Variants in LRP1B observed in about 807,000 individuals in gnomAD.
LRP1B encodes the protein low-density lipoprotein receptor-related protein 1B.
In LRP1B, 217 loss-of-function variants were observed where a neutral mutation model predicts 556.6. The ratio of observed to expected loss-of-function variants is 0.39; its 90% CI spans 0.35 to 0.44. The LOEUF (loss-of-function observed/expected upper bound fraction) is 0.44, where lower values mean the gene tolerates loss of function less well. Ranked by LOEUF, LRP1B falls within the 20% of genes least tolerant of loss-of-function variation. LRP1B has a pLI of 1.00. For missense variants in LRP1B, 5,053 were observed against 5,620.8 expected (o/e 0.90, Z 3.23); for synonymous variants, 2,047 against 1,865.8 (o/e 1.10, Z -2.50).
intron 11 of LRP1B, among the ~76,000 whole-genome samples, chr2:141,040,031 C>T (rs1024591273): frequency 6.6e-6 from 1 of 152,038 alleles, no homozygotes; most frequent in Non-Finnish European, 1.5e-5. Flanking sequence ...ATATTCTTGA[C>T]ACTCAGTGTG....
At chr2:141,639,345 T>TAC (rs1317052266) in intron 2 of LRP1B, among the ~76,000 whole-genome samples, 115 of 62,840 alleles carry the variant, frequency 1.8e-3, no homozygotes, top group African/African-American at 6.9e-3. Flanking sequence ...TATATATATA[T>TAC]ATATACACAC....
intron 37 of LRP1B, among the ~76,000 whole-genome samples, chr2:140,706,985 T>G (rs1467122442): frequency 1.3e-5 from 2 of 152,104 alleles, no homozygotes; most frequent in Non-Finnish European, 2.9e-5. Flanking sequence ...AAATAATAAA[T>G]AAGTCTATTT....
chr2:141,307,402 G>C (rs1256573173), intron 3 of LRP1B, among the ~76,000 whole-genome samples: 1 of 151,886 alleles, frequency 6.6e-6, no homozygotes, highest in African/African-American at 2.4e-5. Context: ...CTCAAAGTCT[G>C]TATTATCTGG....
intron 2 of LRP1B, among the ~76,000 whole-genome samples, chr2:141,708,345 T>C (rs955926007): frequency 6.6e-6 from 1 of 152,062 alleles, no homozygotes; most frequent in Non-Finnish European, 1.5e-5. Context: ...AGACAGCACC[T>C]CCTTCTTGCA....
chr2:140,946,836 T>A (rs1331404168), intron 20 of LRP1B, among the ~76,000 whole-genome samples: 1 of 152,174 alleles, frequency 6.6e-6, no homozygotes, highest in Non-Finnish European at 1.5e-5. Flanking sequence ...TGGAATACTA[T>A]GCAACCATAA....
intron 35 of LRP1B, among the ~76,000 whole-genome samples, chr2:140,756,092 A>G (rs1435939545): frequency 1.3e-5 from 2 of 152,058 alleles, no homozygotes; most frequent in Non-Finnish European, 2.9e-5. Flanking sequence ...AGAAAATTTC[A>G]CTACAAATAA....
chr2:140,716,940 G>T, intron 35 of LRP1B, 124 bp from the exon 36 acceptor site: 1 of 441,974 alleles, frequency 2.3e-6, no homozygotes, highest in Non-Finnish European at 3.9e-6. Context: ...AGATTTTTAA[G>T]TATTCTTCAG....
intron 35 of LRP1B, among the ~76,000 whole-genome samples, chr2:140,732,861 A>T (rs2105502988): frequency 6.6e-6 from 1 of 152,306 alleles, no homozygotes; most frequent in Non-Finnish European, 1.5e-5. Context: ...CAGTGAGAAT[A>T]CCAATAACAT....
At chr2:140,712,509 TG>T (rs1687067962) in intron 37 of LRP1B, among the ~76,000 whole-genome samples, 1 of 152,014 alleles carries the variant, frequency 6.6e-6, no homozygotes, top group South Asian at 2.1e-4. Context: ...CCCTGGAATT[TG>T]TCTCCCCTTT....
At chr2:141,402,320 A>C (rs939762193) in intron 3 of LRP1B, among the ~76,000 whole-genome samples, 2 of 152,160 alleles carry the variant, frequency 1.3e-5, no homozygotes, top group Non-Finnish European at 2.9e-5. Context: ...AATGCTAGTC[A>C]CCAATATTTG....
intron 1 of LRP1B, among the ~76,000 whole-genome samples, chr2:141,977,477 G>C (rs1282748646): frequency 6.6e-6 from 1 of 152,060 alleles, no homozygotes; most frequent in Non-Finnish European, 1.5e-5. Flanking sequence ...CAGGAGAATT[G>C]CTTGAACCCA....
rs149403722 is a variant in LRP1B at position 141,786,737 on chromosome 2, C to T, written c.205+23542G>A. Among the ~76,000 whole-genome samples the T allele has an allele frequency of 6.5e-4, 99 of 151,924 alleles. 1 individual carries two copies. The highest frequency in any genetic ancestry group is 1.6e-3 in the Admixed American group (25 of 15,210). ...TGTTCTTGATCAACCAAAAAAAGCA[C>T]GGAACCTCTCACCATTAATGATGAT... On this transcript the variant is annotated intron_variant, in intron 2 of 90. Coordinates refer to ENST00000389484, the MANE Select transcript of LRP1B (RefSeq NM_018557.3).
At chr2:140,985,190 C>T (rs1406309587) in intron 17 of LRP1B, among the ~76,000 whole-genome samples, 1 of 151,992 alleles carries the variant, frequency 6.6e-6, no homozygotes, top group Non-Finnish European at 1.5e-5. Flanking sequence ...CAAGGCACAC[C>T]AACCATACAG....
chr2:141,505,199 G>A (rs1441660547), intron 2 of LRP1B, among the ~76,000 whole-genome samples: 2 of 150,606 alleles, frequency 1.3e-5, no homozygotes, highest in Non-Finnish European at 3.0e-5. Flanking sequence ...ACTTCTCAGA[G>A]TCTATAAAAG....
Position 140,324,102 on chromosome 2 carries a change from T to C in LRP1B, c.12341-36A>G, listed in dbSNP as rs570673248. 18 of 1,347,688 alleles carry C rather than the reference T, an allele frequency of 1.3e-5. No individual in the cohort carries two copies. The East Asian group carries it at 3.0e-4, about 22-fold the overall frequency. 83.5% of individuals were successfully genotyped at this position (1,347,688 alleles called of 1,614,324 possible). On this transcript the variant is annotated intron_variant, in intron 80 of 90. Transcript: ENST00000389484. ...AAAAAGGCAGTTATGAAAGTTTTAA[T>C]GTATATACTCAGACTTTAAAAACTA...
chr2:141,731,884 T>C (rs897483070), intron 2 of LRP1B, among the ~76,000 whole-genome samples: 2 of 152,194 alleles, frequency 1.3e-5, no homozygotes, highest in Admixed American at 6.5e-5. Flanking sequence ...TCAATGTAGA[T>C]GGTGACTTTC....
At chr2:141,699,657 C>T (rs1691865760) in intron 2 of LRP1B, among the ~76,000 whole-genome samples, 1 of 151,166 alleles carries the variant, frequency 6.6e-6, no homozygotes, top group African/African-American at 2.4e-5. Flanking sequence ...GCCTTCCAGC[C>T]AAAAGTTCTA....
At chr2:141,076,987 C>T (rs1428868099) in intron 7 of LRP1B, among the ~76,000 whole-genome samples, 1 of 152,146 alleles carries the variant, frequency 6.6e-6, no homozygotes, top group African/African-American at 2.4e-5. Flanking sequence ...TGGCTCAAGC[C>T]TGTAATCCCA....
Position 140,324,070 on chromosome 2 carries a change from G to T in LRP1B, c.12341-4C>A. The T allele has an allele frequency of 6.3e-7, 1 of 1,590,826 alleles. No homozygotes were observed. Among genetic ancestry groups the T allele is most frequent in the Non-Finnish European group, 8.6e-7 (1 of 1,163,662 alleles). ...ATCCTATGTGGATGTAATAAACCTG[G>T]AATTTTAAAAAGGCAGTTATGAAAG... On this transcript the variant is annotated splice_polypyrimidine_tract_variant and splice_region_variant and intron_variant, in intron 80 of 90. Coordinates refer to ENST00000389484, the MANE Select transcript of LRP1B (RefSeq NM_018557.3).
Sources: gnomAD v4.1 joint callset for allele counts (sites outside exome capture counted in the v4.1 genomes callset) on GRCh38, gnomAD v4.1.1 for gene constraint, MANE v1.5 for transcripts, NCBI Gene and HGNC (gene_info 2026-07-23, HGNC 2026-07-21) for gene names.